Variants in GRID2 observed in about 807,000 individuals in gnomAD.
GRID2 encodes the protein glutamate ionotropic receptor delta type subunit 2, also known as glutamate receptor ionotropic, delta-2.
In GRID2, 33 loss-of-function variants were observed where a neutral mutation model predicts 114.8. The ratio of observed to expected loss-of-function variants is 0.29; its 90% CI spans 0.22 to 0.38. GRID2 has a LOEUF of 0.38. GRID2 is among the 10% of genes least tolerant of loss of function. The pLI, the probability that GRID2 is intolerant of heterozygous loss-of-function variation, is 1.00. For missense variants in GRID2, 1,184 were observed against 1,257.7 expected, an observed-to-expected ratio of 0.94 and a Z score of 0.89; for synonymous variants, 505 against 449.9, an observed-to-expected ratio of 1.12 and a Z score of -1.55.
chr4:92,643,907 G>A (rs1399500355), intron 2 of GRID2, among the ~76,000 whole-genome samples: 2 of 151,744 alleles, frequency 1.3e-5, no homozygotes, highest in Admixed American at 1.3e-4. Flanking sequence ...ATTGCAAAGT[G>A]TAATTTTCTC....
intron 1 of GRID2, among the ~76,000 whole-genome samples, chr4:92,470,313 G>A (rs935913683): frequency 1.3e-4 from 19 of 151,644 alleles, no homozygotes; most frequent in African/African-American, 3.4e-4. Flanking sequence ...TCCAAAGGGC[G>A]TAAAACATAT....
intron 1 of GRID2, among the ~76,000 whole-genome samples, chr4:92,509,374 TAATC>T (rs1724128762): frequency 1.3e-5 from 2 of 151,970 alleles, no homozygotes; most frequent in African/African-American, 4.8e-5. Flanking sequence ...CTCTGGATCT[TAATC>T]AGCAAACAAC....
chr4:93,234,076 GA>G (rs1368812060), intron 7 of GRID2, among the ~76,000 whole-genome samples: 1 of 152,004 alleles, frequency 6.6e-6, no homozygotes, highest in Non-Finnish European at 1.5e-5. Context: ...GAGAATTTAG[GA>G]AAACATAATC....
intron 4 of GRID2, among the ~76,000 whole-genome samples, chr4:93,118,678 G>A (rs1342715046): frequency 2.6e-5 from 4 of 152,120 alleles, no homozygotes; most frequent in Non-Finnish European, 4.4e-5. Flanking sequence ...AGAATTTATT[G>A]AAAACGGCTT....
intron 2 of GRID2, among the ~76,000 whole-genome samples, chr4:92,844,751 A>G (rs1743179819): frequency 6.6e-6 from 1 of 151,968 alleles, no homozygotes; most frequent in Non-Finnish European, 1.5e-5. Context: ...AATTTGATGA[A>G]GAAATCTGGC....
intron 8 of GRID2, among the ~76,000 whole-genome samples, chr4:93,321,998 ATCTT>A (rs1363718723): frequency 1.3e-5 from 2 of 151,654 alleles, no homozygotes; most frequent in Non-Finnish European, 2.9e-5. Flanking sequence ...TAATTAAACA[ATCTT>A]TCTTCCTGCA....
intron 2 of GRID2, among the ~76,000 whole-genome samples, chr4:92,599,756 G>A (rs1029045213): frequency 1.3e-5 from 2 of 151,778 alleles, no homozygotes; most frequent in Non-Finnish European, 2.9e-5. Flanking sequence ...GCCATGCACC[G>A]TGGCTCACGC....
At chr4:93,195,993 T>C (rs578005925) in intron 4 of GRID2, among the ~76,000 whole-genome samples, 2 of 152,296 alleles carry the variant, frequency 1.3e-5, no homozygotes, top group South Asian at 2.1e-4. Flanking sequence ...GTTTGAGCAG[T>C]TGGCATCTGG....
intron 12 of GRID2, among the ~76,000 whole-genome samples, chr4:93,495,104 A>C (rs1727398609): frequency 6.6e-6 from 1 of 151,704 alleles, no homozygotes; most frequent in Non-Finnish European, 1.5e-5. Flanking sequence ...ACTTGGACCT[A>C]CTCAAAGGGA....
chr4:93,781,925 T>A (rs1395038802), intron 1 of GRID2, among the ~76,000 whole-genome samples: 1 of 152,202 alleles, frequency 6.6e-6, no homozygotes, highest in Non-Finnish European at 1.5e-5. Flanking sequence ...TACTGACAAA[T>A]GAACAAAATC....
chr4:92,618,708 T>A (rs1730127017), intron 2 of GRID2, among the ~76,000 whole-genome samples: 1 of 151,706 alleles, frequency 6.6e-6, no homozygotes, highest in African/African-American at 2.4e-5. Flanking sequence ...TTTGTAGGGA[T>A]CATTCATCTC....
chr4:93,498,889 G>A (rs1025457350), intron 12 of GRID2, among the ~76,000 whole-genome samples: 1 of 151,798 alleles, frequency 6.6e-6, no homozygotes, highest in Non-Finnish European at 1.5e-5. Flanking sequence ...TGACCGTTAG[G>A]TATGACATTA....
chr4:92,319,231 A>G (rs551092887), intron 1 of GRID2, among the ~76,000 whole-genome samples: 176 of 152,164 alleles, frequency 1.2e-3, no homozygotes, highest in Non-Finnish European at 2.2e-3. Flanking sequence ...ATTAATCAAG[A>G]ATAATTGATA....
chr4:93,261,889 C>CAT (rs549679577), intron 8 of GRID2, among the ~76,000 whole-genome samples: 72 of 150,666 alleles, frequency 4.8e-4, no homozygotes, highest in Admixed American at 1.0e-3. Context: ...ATGCATGTTA[C>CAT]ATATATATAT....
intron 2 of GRID2, among the ~76,000 whole-genome samples, chr4:92,887,391 A>G (rs779337128): frequency 5.3e-5 from 8 of 152,178 alleles, no homozygotes; most frequent in Non-Finnish European, 1.0e-4. Flanking sequence ...TCAGCTCTGG[A>G]TTGAAGAAAG....
intron 2 of GRID2, among the ~76,000 whole-genome samples, chr4:92,994,506 T>C (rs981520215): frequency 1.3e-5 from 2 of 151,996 alleles, no homozygotes; most frequent in African/African-American, 2.4e-5. Flanking sequence ...GTATTTTTAG[T>C]AGTGATGGGA....
At chr4:93,808,471 A>G (rs756860192) in exon 2 of GRID2, 1 of 152,176 alleles carries the variant, frequency 6.6e-6, no homozygotes, top group Non-Finnish European at 1.5e-5. Flanking sequence ...TCTCTACGTA[A>G]TACAATACTA....
At chr4:92,522,956 A>G in intron 1 of GRID2, among the ~76,000 whole-genome samples, 1 of 151,926 alleles carries the variant, frequency 6.6e-6, no homozygotes, top group East Asian at 1.9e-4. Flanking sequence ...TGGAGGAATT[A>G]TAGCCAATTG....
At position 92,641,999 on chromosome 4, in the gene GRID2, A is replaced by G. The variant is rs1156485891; in HGVS notation, c.244+51713A>G. Among the ~76,000 whole-genome samples, 8 of 151,146 alleles carry G rather than the reference A, an allele frequency of 5.3e-5. No homozygotes were observed. The Admixed American group carries it at 5.3e-4, about 10-fold the overall frequency. On this transcript the variant is annotated intron_variant, in intron 2 of 15. Transcript: ENST00000282020. ...ATGACTGTGTAGTATTAGATGTTGT[A>G]TATGTACCACATTTTCTTTATCCAA...
Sources: gnomAD v4.1 joint callset for allele counts (sites outside exome capture counted in the v4.1 genomes callset) on GRCh38, gnomAD v4.1.1 for gene constraint, MANE v1.5 for transcripts, NCBI Gene and HGNC (gene_info 2026-07-23, HGNC 2026-07-21) for gene names.